The following ADGRL2 variants were observed in gnomAD, a reference collection of about 807,000 sequenced individuals.
ADGRL2 encodes the protein calcium-independent alpha-latrotoxin receptor 2.
Under a neutral mutation model 157.4 loss-of-function variants are expected in ADGRL2, and 44 were observed. The ratio of observed to expected loss-of-function variants is 0.28; its 90% CI spans 0.22 to 0.36. ADGRL2 has a LOEUF of 0.36. ADGRL2 is among the 10% of genes least tolerant of loss of function. The probability of loss-of-function intolerance (pLI) is 1.00; values close to 1 mark genes in which losing one functional copy is unlikely to be tolerated. For missense variants in ADGRL2, 1,510 were observed against 1,768.9 expected, an observed-to-expected ratio of 0.85 and a Z score of 2.63; for synonymous variants, 585 against 624.7, an observed-to-expected ratio of 0.94 and a Z score of 0.95.
At chr1:81,648,946 G>T (rs2082362213) in intron 3 of ADGRL2, among the ~76,000 whole-genome samples, 2 of 152,318 alleles carry the variant, frequency 1.3e-5, no homozygotes, top group Non-Finnish European at 1.5e-5. Context: ...ACCGGAGAAT[G>T]CTGTGCAGTA....
At chr1:81,723,787 G>C (rs1274471543) in intron 1 of ADGRL2, among the ~76,000 whole-genome samples, 3 of 152,026 alleles carry the variant, frequency 2.0e-5, no homozygotes, top group South Asian at 4.2e-4. Context: ...ATGCATCTTT[G>C]GGCAGGTTTG....
At chr1:81,381,501 C>CA (rs1340787280) in intron 1 of ADGRL2, among the ~76,000 whole-genome samples, 7 of 152,014 alleles carry the variant, frequency 4.6e-5, no homozygotes, top group Non-Finnish European at 1.0e-4. Flanking sequence ...CACTAGAGCC[C>CA]AGGAGTTTGA....
intron 2 of ADGRL2, among the ~76,000 whole-genome samples, chr1:81,891,435 C>T (rs1000446769): frequency 3.3e-5 from 5 of 151,830 alleles, no homozygotes; most frequent in African/African-American, 7.3e-5. Context: ...AAGACTGTAC[C>T]GCCTCATAAT....
At chr1:81,961,023 G>A (rs981899362) in intron 11 of ADGRL2, among the ~76,000 whole-genome samples, 2 of 152,108 alleles carry the variant, frequency 1.3e-5, no homozygotes, top group African/African-American at 4.8e-5. Context: ...CAAGTCTCCT[G>A]GCAGAGGTCA....
chr1:81,333,180 A>G (rs1661385980), intron 1 of ADGRL2, among the ~76,000 whole-genome samples: 1 of 152,180 alleles, frequency 6.6e-6, no homozygotes. Flanking sequence ...TAACCACTAC[A>G]CAGAGGGACC....
intron 2 of ADGRL2, among the ~76,000 whole-genome samples, chr1:81,485,661 G>T (rs1167016981): frequency 6.6e-6 from 1 of 152,126 alleles, no homozygotes; most frequent in Non-Finnish European, 1.5e-5. Context: ...GCTGTAGGGT[G>T]CACACAGGTA....
chr1:81,350,250 A>C (rs1299426232), intron 1 of ADGRL2, among the ~76,000 whole-genome samples: 1 of 152,198 alleles, frequency 6.6e-6, no homozygotes, highest in Non-Finnish European at 1.5e-5. Flanking sequence ...CTATCATAGG[A>C]TGCATTGTAT....
chr1:81,447,094 T>G (rs1224283762), intron 2 of ADGRL2, among the ~76,000 whole-genome samples: 1 of 152,074 alleles, frequency 6.6e-6, no homozygotes, highest in Non-Finnish European at 1.5e-5. Context: ...TTAAAATCAT[T>G]TAAAGGGGCA....
At chr1:81,468,050 T>C (rs2078097003) in intron 2 of ADGRL2, among the ~76,000 whole-genome samples, 1 of 152,158 alleles carries the variant, frequency 6.6e-6, no homozygotes. Flanking sequence ...TTAGGGAAAT[T>C]CTCAGTATTG....
At chr1:81,787,167 C>T (rs1285071643) in intron 2 of ADGRL2, among the ~76,000 whole-genome samples, 1 of 152,106 alleles carries the variant, frequency 6.6e-6, no homozygotes, top group East Asian at 1.9e-4. Context: ...AACTGTAAGT[C>T]CAATTAAACC....
chr1:81,883,562 T>TA (rs1265172991), intron 2 of ADGRL2, among the ~76,000 whole-genome samples: 3 of 152,166 alleles, frequency 2.0e-5, no homozygotes, highest in African/African-American at 7.2e-5. Flanking sequence ...ATTTAAGCAA[T>TA]AAATTTCATA....
rs1300287171 is a variant in ADGRL2, at chr1:81,793,760, G to T, written c.-101+31908G>T. Among the ~76,000 whole-genome samples the T allele has an allele frequency of 2.0e-5, 3 of 151,946 alleles. No homozygotes were observed. The South Asian group carries it at 6.2e-4, about 31-fold the overall frequency. ...AATCTACACCTGCATAAAATATTTT[G>T]ATTTATACATATATCAAGTTTAAAA... On this transcript the variant is annotated intron_variant, in intron 2 of 20. Transcript: ENST00000359929.
chr1:81,802,286 GC>G (rs1186810498), intron 1 of ADGRL2, among the ~76,000 whole-genome samples: 2 of 152,082 alleles, frequency 1.3e-5, no homozygotes, highest in African/African-American at 4.8e-5. Flanking sequence ...AGACCTGTTT[GC>G]TTTGCGCCTC....
chr1:81,410,580 C>T (rs1169745691), intron 1 of ADGRL2, among the ~76,000 whole-genome samples: 1 of 152,164 alleles, frequency 6.6e-6, no homozygotes, highest in East Asian at 1.9e-4. Flanking sequence ...GCCTGGAGCT[C>T]CTGTACTCCT....
chr1:81,696,957 C>T (rs1036129009), upstream of ADGRL2, among the ~76,000 whole-genome samples: 3 of 152,030 alleles, frequency 2.0e-5, no homozygotes, highest in South Asian at 4.1e-4. Context: ...AGCATGGGGT[C>T]GCTAAGAAGA....
intron 3 of ADGRL2, among the ~76,000 whole-genome samples, chr1:81,641,758 C>T (rs2082223181): frequency 6.6e-6 from 1 of 152,052 alleles, no homozygotes; most frequent in South Asian, 2.1e-4. Context: ...ACCTAAGCTT[C>T]TACCTTAGGA....
At chr1:81,560,802 G>A (rs1186977473) in intron 2 of ADGRL2, among the ~76,000 whole-genome samples, 2 of 152,004 alleles carry the variant, frequency 1.3e-5, no homozygotes, top group Non-Finnish European at 2.9e-5. Flanking sequence ...CCTCACAATG[G>A]TCTGCAAGTC....
chr1:81,985,477 G>A, intron 21 of ADGRL2, 122 bp downstream of exon 21: 1 of 531,890 alleles, frequency 1.9e-6, no homozygotes, highest in Non-Finnish European at 3.4e-6. Context: ...CGGCTCGAAG[G>A]TAATTATTGA....
chr1:81,322,113 C>CATATATATATATAT (rs1345847160), intron 1 of ADGRL2, among the ~76,000 whole-genome samples: 5 of 112,096 alleles, frequency 4.5e-5, no homozygotes, highest in African/African-American at 1.8e-4. Context: ...TATATATACA[C>CATATATATATATAT]ATATATATAT....
Sources: allele counts gnomAD v4.1 joint callset (sites outside exome capture counted in the v4.1 genomes callset), GRCh38; gene constraint gnomAD v4.1.1; transcripts MANE v1.5; gene names NCBI Gene and HGNC (gene_info 2026-07-23, HGNC 2026-07-21).